Variants in PAH observed in about 807,000 individuals in gnomAD.
PAH encodes the protein phenylalanine hydroxylase.
A neutral mutation model predicts 62.0 loss-of-function variants in PAH; 64 were observed. The observed-to-expected ratio is 1.03, with a 90% CI of 0.84 to 1.27. The LOEUF (loss-of-function observed/expected upper bound fraction) is 1.27, where lower values mean the gene tolerates loss of function less well. Among genes scored for constraint, PAH ranks in the 50% most tolerant of loss-of-function variants. PAH has a pLI of 0.00. For missense variants in PAH, 579 were observed against 542.8 expected (o/e 1.07, Z -0.66); for synonymous variants, 195 against 196.2 (o/e 0.99, Z 0.05).
At chr12:102,949,503 G>A (rs1359186764) in intron 1 of PAH, among the ~76,000 whole-genome samples, 2 of 152,206 alleles carry the variant, frequency 1.3e-5, no homozygotes, top group African/African-American at 2.4e-5. Context: ...CCTGAGAGAC[G>A]ATGAGCAACT....
intron 4 of PAH, among the ~76,000 whole-genome samples, chr12:102,867,931 G>A (rs1312311103): frequency 7.6e-6 from 1 of 131,434 alleles, no homozygotes; most frequent in Non-Finnish European, 1.7e-5. Flanking sequence ...ATATATAGAT[G>A]TATATATACA....
chr12:102,855,202 C>G lies in PAH; in HGVS notation c.640G>C (p.Glu214Gln). ...TCTTCATGGAAGCCACAGTACTTTT[C>G]AAGAAGTGGAAAAATGTGATTGTAC... ...YEYNHIFPLL[E>Q]KYCGFHEDNI... The change falls in exon 6 of 13, where the codon GAA becomes CAA. Residue 214 changes from glutamate (E) to glutamine (Q), a missense_variant. Transcript: ENST00000553106. The G allele has an allele frequency of 6.2e-7, 1 of 1,614,182 alleles. No individual in the cohort carries two copies. Among genetic ancestry groups the G allele is most frequent in the Non-Finnish European group, 8.5e-7 (1 of 1,180,020 alleles).
chr12:102,877,230 A>C (rs994605984), intron 4 of PAH: 1 of 575,150 alleles, frequency 1.7e-6, no homozygotes, highest in Non-Finnish European at 3.1e-6. Flanking sequence ...ATATAGAGAC[A>C]ATAGTTTCTG....
At chr12:102,892,384 G>GAA (rs35776069) in intron 3 of PAH, among the ~76,000 whole-genome samples, 5 of 151,832 alleles carry the variant, frequency 3.3e-5, no homozygotes, top group Admixed American at 6.5e-5. Flanking sequence ...TTTTACAGTA[G>GAA]AAAAAAAATA....
chr12:102,904,702 C>T (rs1314089195), intron 2 of PAH: 1 of 492,832 alleles, frequency 2.0e-6, no homozygotes, highest in East Asian at 5.5e-5. Context: ...TTATAGGGTC[C>T]AGAAATGTGT....
intron 5 of PAH, among the ~76,000 whole-genome samples, chr12:102,864,430 G>A (rs1216565429): frequency 3.9e-5 from 6 of 152,296 alleles, no homozygotes; most frequent in African/African-American, 1.2e-4. Flanking sequence ...TCCCAAGCTT[G>A]ATAGCAGTGG....
At chr12:102,880,055 A>G (rs1419491190) in intron 3 of PAH, among the ~76,000 whole-genome samples, 1 of 152,294 alleles carries the variant, frequency 6.6e-6, no homozygotes, top group South Asian at 2.1e-4. Flanking sequence ...CGTTTTACAG[A>G]TGAAGAAACT....
At chr12:102,900,443 G>A (rs1877707292) in intron 2 of PAH, among the ~76,000 whole-genome samples, 1 of 152,070 alleles carries the variant, frequency 6.6e-6, no homozygotes. Context: ...ATATAGGTAT[G>A]GGATTATTAA....
At chr12:102,839,269 CT>C in intron 12 of PAH, 51 bp from the exon 13 acceptor site, 1 of 1,569,836 alleles carries the variant, frequency 6.4e-7, no homozygotes, top group Non-Finnish European at 8.8e-7. Flanking sequence ...TAAGCAAAAA[CT>C]CTTCAAGTGT....
chr12:102,855,635 G>A lies in PAH; in HGVS notation c.510-303C>T, dbSNP rs2251894. ...CTTCTAATTCTCTAATTGCTTACCT[G>A]GGGTAGAAATTCACTTACCTGCACG... is the stretch of plus-strand genomic sequence containing the variant. On this transcript the variant is annotated intron_variant, in intron 5 of 12. Transcript: ENST00000553106. 0.64 allele frequency among the ~76,000 whole-genome samples: 97,959 copies of A among 151,990 alleles called. 32,988 individuals are homozygous for A. The highest frequency in any genetic ancestry group is 0.79 in the African/African-American group (32,949 of 41,454).
Position 102,853,000 on chromosome 12 carries a change from G to C in PAH, c.707-50C>G, listed in dbSNP as rs756210737. 11 of 1,602,276 alleles carry C rather than the reference G, an allele frequency of 6.9e-6. 1 individual carries two copies. In the South Asian group the frequency reaches 1.2e-4, roughly 18 times the overall value. ...CTCAAAGCTCATCACCACTGAGTCA[G>C]AGGCACTAGGAGACCTTTAGGTAGT... On this transcript the variant is annotated intron_variant, in intron 6 of 12. Transcript: ENST00000553106.
At chr12:102,841,432 C>G (rs1184311148) in intron 11 of PAH, among the ~76,000 whole-genome samples, 1 of 152,142 alleles carries the variant, frequency 6.6e-6, no homozygotes, top group Non-Finnish European at 1.5e-5. Flanking sequence ...AGTTCCAAGT[C>G]AAGCTGCCTG....
rs1877425793 is a variant in PAH at position 102,894,785 on chromosome 12, T to C, written c.302A>G (p.Asp101Gly). 6.2e-7 allele frequency: 1 copy of C among 1,614,194 alleles called. No individual in the cohort carries two copies. Among genetic ancestry groups the C allele is most frequent in the African/African-American group, 1.3e-5 (1 of 75,054 alleles). ...AAGCTCATGGACAGTGGCACCAATG[T>C]CATGCCTCAAGATCTTGATGATGTT... is the stretch of plus-strand genomic sequence containing the variant. ...LTNIIKILRH[D>G]IGATVHELSR... The change falls in exon 3 of 13, where the codon GAC becomes GGC. Residue 101 changes from aspartate (D) to glycine (G), a missense_variant. Asp to Gly is a moderately conservative substitution (Grantham distance 94, BLOSUM62 -1). Transcript: ENST00000553106.
In PAH at chr12:102,875,053, G is replaced by A. The variant is rs147233285; in HGVS notation, c.441+2409C>T. Among the ~76,000 whole-genome samples the A allele has an allele frequency of 1.2e-3, 175 of 151,642 alleles. 1 individual carries two copies. The highest frequency in any genetic ancestry group is 5.4e-3 in the South Asian group (26 of 4,820). On this transcript the variant is annotated intron_variant, in intron 4 of 12. Coordinates refer to ENST00000553106, the MANE Select transcript of PAH (RefSeq NM_000277.3). Reference sequence around the variant, plus strand: ...CACTGAGGCCAGGCCTGTGGGCCCCGGGGTCTCTGGGAAAGCACGCTGGAG... The same window carrying A: ...CACTGAGGCCAGGCCTGTGGGCCCCAGGGTCTCTGGGAAAGCACGCTGGAG...
At chr12:102,949,488 T>C (rs1213008890) in intron 1 of PAH, among the ~76,000 whole-genome samples, 1 of 152,236 alleles carries the variant, frequency 6.6e-6, no homozygotes, top group African/African-American at 2.4e-5. Flanking sequence ...TCTCATTTTA[T>C]AGAGCCTGAG....
At chr12:102,870,958 C>T (rs979406654) in intron 4 of PAH, among the ~76,000 whole-genome samples, 24 of 152,304 alleles carry the variant, frequency 1.6e-4, no homozygotes, top group African/African-American at 5.8e-4. Context: ...CTTCCCCCTT[C>T]TCTCTTCCTT....
intron 3 of PAH, among the ~76,000 whole-genome samples, chr12:102,893,012 T>A (rs1038436403): frequency 1.3e-5 from 2 of 152,224 alleles, no homozygotes; most frequent in African/African-American, 4.8e-5. Context: ...AAATGCAAGA[T>A]GTTAATAGAA....
upstream of PAH, chr12:102,953,307 T>C (rs1879823607): frequency 6.6e-6 from 1 of 152,210 alleles, no homozygotes; most frequent in Non-Finnish European, 1.5e-5. Context: ...AAAATATAAC[T>C]TTATTAAATT....
upstream of PAH, among the ~76,000 whole-genome samples, chr12:102,918,559 A>C (rs12312033): frequency 0.4 from 59,901 of 149,252 alleles, 13,379 homozygotes; most frequent in African/African-American, 0.59. Flanking sequence ...CCCATGCCTC[A>C]GTTTTTTTTT....
Sources: allele counts gnomAD v4.1 joint callset (sites outside exome capture counted in the v4.1 genomes callset), GRCh38; gene constraint gnomAD v4.1.1; transcripts MANE v1.5; gene names NCBI Gene and HGNC (gene_info 2026-07-23, HGNC 2026-07-21).